DAPP1: variants seen among roughly 807,000 people sequenced by gnomAD.
DAPP1 encodes the protein dual adapter for phosphotyrosine and 3-phosphotyrosine and 3-phosphoinositide.
DAPP1 carries 20 observed loss-of-function variants against 41.5 expected under a neutral mutation model. That is an observed-to-expected ratio of 0.48 (90% CI 0.34 to 0.70). The LOEUF (loss-of-function observed/expected upper bound fraction) is 0.70. Among genes scored for constraint, DAPP1 ranks in the 30% least tolerant of loss-of-function variants. The pLI, the probability that DAPP1 is intolerant of heterozygous loss-of-function variation, is 0.01. For missense variants in DAPP1, 233 were observed against 333.4 expected (o/e 0.70, Z 2.35); for synonymous variants, 113 against 116.2 (o/e 0.97, Z 0.18).
intron 2 of DAPP1, among the ~76,000 whole-genome samples, chr4:99,838,253 A>T (rs2110145363): frequency 6.6e-6 from 1 of 152,300 alleles, no homozygotes; most frequent in East Asian, 1.9e-4. Flanking sequence ...TAAAGAATAA[A>T]TTATTGATTT....
At chr4:99,865,968 A>ATATAATATAT (rs1560711309) in intron 7 of DAPP1, 66 bp from the exon 8 acceptor site, 3 of 64,796 alleles carry the variant, frequency 4.6e-5, no homozygotes, top group African/African-American at 2.6e-4. Context: ...TATATATATT[A>ATATAATATAT]TATATATATA....
At chr4:99,855,305 A>T (rs1171310524) in intron 4 of DAPP1, among the ~76,000 whole-genome samples, 1 of 151,852 alleles carries the variant, frequency 6.6e-6, no homozygotes, top group Non-Finnish European at 1.5e-5. Flanking sequence ...ACTTCCCCTA[A>T]AGATCTCCAC....
At chr4:99,866,520 T>G (rs756127086) in intron 8 of DAPP1, 1 of 763,884 alleles carries the variant, frequency 1.3e-6, no homozygotes, top group Non-Finnish European at 2.4e-6. Flanking sequence ...CCAGAGGCAC[T>G]TAGCTTAGTT....
At chr4:99,827,798 A>T (rs980498300) in intron 1 of DAPP1, among the ~76,000 whole-genome samples, 1 of 152,208 alleles carries the variant, frequency 6.6e-6, no homozygotes, top group African/African-American at 2.4e-5. Flanking sequence ...TTTTCAGATG[A>T]GATGAGTTCT....
chr4:99,830,813 T>G (rs1490558893), intron 1 of DAPP1, among the ~76,000 whole-genome samples: 2 of 152,158 alleles, frequency 1.3e-5, no homozygotes, highest in Non-Finnish European at 2.9e-5. Flanking sequence ...AATCTTCACC[T>G]AAGTGCCTAG....
At chr4:99,834,719 A>G (rs1723236461) in intron 1 of DAPP1, among the ~76,000 whole-genome samples, 1 of 152,182 alleles carries the variant, frequency 6.6e-6, no homozygotes, top group Admixed American at 6.5e-5. Flanking sequence ...ACAAAGCAAC[A>G]CTGTATTAGT....
chr4:99,850,421 A>T (rs1038618898), intron 3 of DAPP1, among the ~76,000 whole-genome samples: 15 of 152,118 alleles, frequency 9.9e-5, no homozygotes, highest in Non-Finnish European at 1.9e-4. Flanking sequence ...AAAAAAAAAA[A>T]TTAACACAGG....
intron 1 of DAPP1, among the ~76,000 whole-genome samples, chr4:99,824,966 T>C (rs1157840461): frequency 6.6e-6 from 1 of 152,168 alleles, no homozygotes; most frequent in Non-Finnish European, 1.5e-5. Context: ...CTCCCGCAAG[T>C]AGTGGCTCTG....
chr4:99,818,215 T>C (rs1350579790), intron 1 of DAPP1, among the ~76,000 whole-genome samples: 1 of 152,150 alleles, frequency 6.6e-6, no homozygotes, highest in Non-Finnish European at 1.5e-5. Flanking sequence ...CTCCCCTTAT[T>C]AGGAAGCCAG....
intron 3 of DAPP1, among the ~76,000 whole-genome samples, chr4:99,847,622 A>C (rs2110153316): frequency 6.6e-6 from 1 of 152,238 alleles, no homozygotes; most frequent in Non-Finnish European, 1.5e-5. Flanking sequence ...GGTCTTCCTC[A>C]TTCTTCTTGC....
chr4:99,838,035 C>A (rs1167256524), intron 2 of DAPP1, among the ~76,000 whole-genome samples: 1 of 152,110 alleles, frequency 6.6e-6, no homozygotes, highest in Non-Finnish European at 1.5e-5. Context: ...CAATGGGGAG[C>A]AACTATAAAT....
At chr4:99,870,676 GA>G (rs1296416113), downstream of DAPP1, among the ~76,000 whole-genome samples, 14 of 152,306 alleles carry the variant, frequency 9.2e-5, no homozygotes, top group African/African-American at 2.9e-4. Context: ...GAATATGGGA[GA>G]AAAGAGAGTG....
intron 1 of DAPP1, among the ~76,000 whole-genome samples, chr4:99,819,928 G>A (rs1002065931): frequency 6.6e-6 from 1 of 152,074 alleles, no homozygotes; most frequent in Non-Finnish European, 1.5e-5. Flanking sequence ...CTTGCTCAGA[G>A]TACAGGTTTA....
At position 99,863,048 on chromosome 4, in the gene DAPP1, A is replaced by G. The variant is rs1033708540; in HGVS notation, c.576A>G (p.Glu192=). The part of the protein sequence containing the change: ...KTRWFTLHRN[E]LKYFKDQMSP... ...GATGGTTTACTCTGCACAGGAATGA[A>G]CTGAAATACTTCAAAGACCAGATGG... Residue 192 remains glutamate, a synonymous_variant, in exon 6 of 9, where the codon GAA becomes GAG. Coordinates refer to ENST00000512369, the MANE Select transcript of DAPP1 (RefSeq NM_014395.3). 8 of 1,589,444 alleles carry G rather than the reference A, an allele frequency of 5.0e-6. No homozygotes were observed. The highest frequency in any genetic ancestry group is 6.8e-6 in the Non-Finnish European group (8 of 1,171,726).
chr4:99,832,105 C>A (rs1723146487), intron 1 of DAPP1, among the ~76,000 whole-genome samples: 1 of 152,126 alleles, frequency 6.6e-6, no homozygotes, highest in East Asian at 1.9e-4. Flanking sequence ...TTGCAATATG[C>A]TTGTCTTATT....
At chr4:99,821,985 C>T (rs1722788490) in intron 1 of DAPP1, among the ~76,000 whole-genome samples, 1 of 152,188 alleles carries the variant, frequency 6.6e-6, no homozygotes, top group South Asian at 2.1e-4. Flanking sequence ...AACCTGTTTA[C>T]AGCGGTGTGA....
At chr4:99,870,615 A>C (rs1724608911), downstream of DAPP1, among the ~76,000 whole-genome samples, 1 of 152,240 alleles carries the variant, frequency 6.6e-6, no homozygotes, top group African/African-American at 2.4e-5. Flanking sequence ...CTATTTCTCC[A>C]AGTCCAGAGA....
chr4:99,827,560 A>AAAAAAAAAC (rs1366528657), intron 1 of DAPP1, among the ~76,000 whole-genome samples: 29 of 150,822 alleles, frequency 1.9e-4, no homozygotes, highest in Admixed American at 3.3e-4. Flanking sequence ...AAAACAAAAC[A>AAAAAAAAAC]AAAAACACCA....
intron 1 of DAPP1, among the ~76,000 whole-genome samples, chr4:99,827,842 T>G (rs1722995301): frequency 6.6e-6 from 1 of 152,158 alleles, no homozygotes; most frequent in Non-Finnish European, 1.5e-5. Flanking sequence ...ATAAAGGAAC[T>G]GAAAGCCTGT....
Sources: allele counts gnomAD v4.1 joint callset (sites outside exome capture counted in the v4.1 genomes callset), GRCh38; gene constraint gnomAD v4.1.1; transcripts MANE v1.5; gene names NCBI Gene and HGNC (gene_info 2026-07-23, HGNC 2026-07-21).